Variants in PDS5B observed in about 807,000 individuals in gnomAD.
PDS5B encodes the protein sister chromatid cohesion protein PDS5 homolog B.
In PDS5B, 51 loss-of-function variants were observed where a neutral mutation model predicts 184.1. The ratio of observed to expected loss-of-function variants is 0.28; its 90% confidence interval spans 0.22 to 0.35. PDS5B has a LOEUF of 0.35. PDS5B is among the 10% of genes least tolerant of loss of function. PDS5B has a pLI of 1.00. For missense variants in PDS5B, 1,180 were observed against 1,723.3 expected (o/e 0.68, Z 5.58); for synonymous variants, 566 against 569.2 (o/e 0.99, Z 0.08).
intron 1 of PDS5B, among the ~76,000 whole-genome samples, chr13:32,600,545 A>G (rs1215567909): frequency 6.6e-6 from 1 of 152,218 alleles, no homozygotes; most frequent in African/African-American, 2.4e-5. Context: ...GTTTGAGACC[A>G]GCCTGGCCAA....
At chr13:32,717,700 AAAT>A (rs1952511560) in intron 19 of PDS5B, among the ~76,000 whole-genome samples, 1 of 149,518 alleles carries the variant, frequency 6.7e-6, no homozygotes, top group Non-Finnish European at 1.5e-5. Context: ...AAAAAAAAAA[AAAT>A]AAATAAATCA....
At chr13:32,698,803 G>C (rs1951782426) in intron 15 of PDS5B, among the ~76,000 whole-genome samples, 1 of 151,620 alleles carries the variant, frequency 6.6e-6, no homozygotes, top group Non-Finnish European at 1.5e-5. Context: ...GCCTAGGCTG[G>C]AGTGCAGTGG....
intron 23 of PDS5B, among the ~76,000 whole-genome samples, chr13:32,743,653 G>A (rs993360619): frequency 2.6e-5 from 4 of 151,844 alleles, no homozygotes; most frequent in Admixed American, 6.6e-5. Flanking sequence ...TGCTTATACT[G>A]TATTCTCCTT....
intron 24 of PDS5B, among the ~76,000 whole-genome samples, chr13:32,748,017 A>G (rs980345660): frequency 3.3e-5 from 5 of 152,214 alleles, no homozygotes; most frequent in Non-Finnish European, 5.9e-5. Flanking sequence ...CCAAATTCCC[A>G]AGGTGAAAGT....
At chr13:32,725,702 C>A (rs1317980905) in intron 19 of PDS5B, among the ~76,000 whole-genome samples, 1 of 152,138 alleles carries the variant, frequency 6.6e-6, no homozygotes, top group Non-Finnish European at 1.5e-5. Flanking sequence ...TTCAATTTTA[C>A]ATTTATATCT....
At chr13:32,634,743 T>A (rs1189585902) in intron 1 of PDS5B, among the ~76,000 whole-genome samples, 2 of 151,884 alleles carry the variant, frequency 1.3e-5, no homozygotes, top group Non-Finnish European at 2.9e-5. Flanking sequence ...CCACTGCGCC[T>A]GGCTAGTTTT....
At chr13:32,605,376 G>A (rs1386373534) in intron 1 of PDS5B, among the ~76,000 whole-genome samples, 2 of 152,204 alleles carry the variant, frequency 1.3e-5, no homozygotes, top group Non-Finnish European at 2.9e-5. Context: ...ATGTAGTTGA[G>A]TGGTTTTGAG....
intron 1 of PDS5B, among the ~76,000 whole-genome samples, chr13:32,635,288 T>A (rs1420066739): frequency 6.9e-6 from 1 of 144,048 alleles, no homozygotes; most frequent in Admixed American, 7.0e-5. Context: ...CCCTCCTGCC[T>A]TGGCCTCCCA....
intron 19 of PDS5B, among the ~76,000 whole-genome samples, chr13:32,714,560 G>A (rs1006550934): frequency 3.9e-5 from 6 of 152,098 alleles, no homozygotes; most frequent in African/African-American, 1.4e-4. Flanking sequence ...GCACCTGGGG[G>A]GGCTGTTTAT....
At chr13:32,761,890 C>T (rs1954414249) in intron 30 of PDS5B, among the ~76,000 whole-genome samples, 1 of 152,156 alleles carries the variant, frequency 6.6e-6, no homozygotes, top group Non-Finnish European at 1.5e-5. Flanking sequence ...AAACTGTTTT[C>T]CATAGTGGCT....
chr13:32,688,844 T>C (rs539837433), intron 13 of PDS5B: 6 of 369,980 alleles, frequency 1.6e-5, no homozygotes, highest in Non-Finnish European at 2.5e-5. Context: ...TCAAGAAACG[T>C]TGATGTACCT....
chr13:32,624,830 G>A (rs1381637063), intron 1 of PDS5B, among the ~76,000 whole-genome samples: 2 of 152,094 alleles, frequency 1.3e-5, no homozygotes, highest in Non-Finnish European at 2.9e-5. Context: ...AAGGGCAAAT[G>A]CTAATATGCA....
chr13:32,670,317 A>G (rs995037191), intron 7 of PDS5B, among the ~76,000 whole-genome samples: 2 of 152,236 alleles, frequency 1.3e-5, no homozygotes, highest in East Asian at 1.9e-4. Flanking sequence ...CTGAGGCTCA[A>G]GTGATCCTCT....
intron 13 of PDS5B, among the ~76,000 whole-genome samples, chr13:32,692,823 C>T (rs530638005): frequency 1.3e-5 from 2 of 151,834 alleles, no homozygotes; most frequent in Non-Finnish European, 2.9e-5. Flanking sequence ...CTGGTTAATA[C>T]AATTTTATTA....
At chr13:32,765,508 A>G (rs1954555670) in intron 31 of PDS5B, among the ~76,000 whole-genome samples, 1 of 152,260 alleles carries the variant, frequency 6.6e-6, no homozygotes, top group South Asian at 2.1e-4. Flanking sequence ...CGAGTCCAGC[A>G]TTACACATGC....
At chr13:32,722,345 G>A (rs553948483) in intron 19 of PDS5B, among the ~76,000 whole-genome samples, 1 of 152,256 alleles carries the variant, frequency 6.6e-6, no homozygotes, top group Non-Finnish European at 1.5e-5. Flanking sequence ...ACCGTGGAAA[G>A]CGGGAGATGG....
At chr13:32,748,640 T>G (rs1403412520) in intron 24 of PDS5B, among the ~76,000 whole-genome samples, 3 of 152,134 alleles carry the variant, frequency 2.0e-5, no homozygotes, top group African/African-American at 7.2e-5. Flanking sequence ...AATTTTATAC[T>G]TTTATGTTCT....
intron 19 of PDS5B, among the ~76,000 whole-genome samples, chr13:32,722,234 C>A (rs1952741225): frequency 6.6e-6 from 1 of 152,242 alleles, no homozygotes; most frequent in African/African-American, 2.4e-5. Flanking sequence ...CGCACGCCTG[C>A]AATCCCAGGC....
At chr13:32,690,206 C>T (rs1205969320) in intron 13 of PDS5B, 1 of 152,104 alleles carries the variant, frequency 6.6e-6, no homozygotes. Flanking sequence ...AATATTTAGC[C>T]AGTACCATAC....
Sources: allele counts gnomAD v4.1 joint callset (sites outside exome capture counted in the v4.1 genomes callset), GRCh38; gene constraint gnomAD v4.1.1; transcripts MANE v1.5; gene names NCBI Gene and HGNC (gene_info 2026-07-23, HGNC 2026-07-21).